The following PRDM10 variants were observed in gnomAD, a reference collection of about 807,000 sequenced individuals.
PRDM10 encodes the protein PR domain zinc finger protein 10.
Under a neutral mutation model 133.1 loss-of-function variants are expected in PRDM10, and 65 were observed. The ratio of observed to expected loss-of-function variants is 0.49; its 90% CI spans 0.40 to 0.60. The LOEUF (loss-of-function observed/expected upper bound fraction) is 0.60. Ranked by LOEUF, PRDM10 falls within the 20% of genes least tolerant of loss-of-function variation. The probability of loss-of-function intolerance (pLI) is 0.00; values close to 1 mark genes in which losing one functional copy is unlikely to be tolerated. For synonymous variants in PRDM10, 582 were observed against 580.4 expected (o/e 1.00, Z -0.04); for missense variants, 1,137 against 1,507.1 (o/e 0.75, Z 4.07).
chr11:129,957,975 C>A, intron 2 of PRDM10, 65 bp from the exon 3 acceptor site: 1 of 1,512,548 alleles, frequency 6.6e-7, no homozygotes, highest in Non-Finnish European at 8.9e-7. Flanking sequence ...ACAAGCACAC[C>A]TGGGTTTCTA....
Position 129,942,635 on chromosome 11 carries a change from CG to C in PRDM10, c.763-7del. ...TCCCCTTTATCAAGAGAAACCTGCA[CG>C]AAAAAAAAGCCACACCAAAAACAAA... On this transcript the variant is annotated splice_polypyrimidine_tract_variant and splice_region_variant and intron_variant, in intron 6 of 20. Transcript: ENST00000360871. The C allele has an allele frequency of 6.3e-7, 1 of 1,595,440 alleles. No homozygotes were observed. The highest frequency in any genetic ancestry group is 8.5e-7 in the Non-Finnish European group (1 of 1,173,322).
chr11:129,998,819 CTTT>C (rs11461594), intron 1 of PRDM10, among the ~76,000 whole-genome samples: 7 of 136,140 alleles, frequency 5.1e-5, no homozygotes, highest in Non-Finnish European at 3.2e-5. Context: ...GGTGTAATAA[CTTT>C]TTTTTTTTTT....
chr11:129,995,887 C>T (rs140284317), intron 1 of PRDM10, among the ~76,000 whole-genome samples: 3,729 of 151,608 alleles, frequency 0.025, 126 homozygotes, highest in African/African-American at 0.073. Flanking sequence ...CGGAGGTTGC[C>T]GTGAGCTGAG....
At chr11:129,986,638 C>T (rs570529463) in intron 1 of PRDM10, among the ~76,000 whole-genome samples, 1 of 152,330 alleles carries the variant, frequency 6.6e-6, no homozygotes, top group Admixed American at 6.5e-5. Flanking sequence ...ATCCACCTGC[C>T]TAGGTCTCCC....
At chr11:129,902,579 G>A (rs1949876106) in intron 20 of PRDM10, 63 bp from the exon 21 acceptor site, 3 of 1,546,652 alleles carry the variant, frequency 1.9e-6, no homozygotes, top group African/African-American at 2.7e-5. Flanking sequence ...GAAGCTACTG[G>A]GGAAGGAGGG....
At position 129,937,653 on chromosome 11, in the gene PRDM10, G is replaced by C. The variant is rs1211280265; in HGVS notation, c.984C>G (p.Ser328=). The change falls in exon 8 of 21, where the codon TCC becomes TCG. Residue 328 remains serine (S), a synonymous_variant. Coordinates refer to ENST00000360871, the MANE Select transcript of PRDM10 (RefSeq NM_199437.2). The part of the protein sequence containing the change: ...KQELKVWYAA[S]YAEFVNQKIH... Reference sequence around the variant, plus strand: ...TTTTCTGGTTCACGAACTCAGCATAGGATGCGGCATACCACACCTGCAAGA... The same window carrying C: ...TTTTCTGGTTCACGAACTCAGCATACGATGCGGCATACCACACCTGCAAGA... 6.2e-7 allele frequency: 1 copy of C among 1,613,470 alleles called. No individual in the cohort carries two copies. Among genetic ancestry groups the C allele is most frequent in the Non-Finnish European group, 8.5e-7 (1 of 1,179,894 alleles).
intron 7 of PRDM10, among the ~76,000 whole-genome samples, chr11:129,940,035 CACA>C (rs1403873802): frequency 6.6e-6 from 1 of 152,144 alleles, no homozygotes; most frequent in Non-Finnish European, 1.5e-5. Context: ...CACAAACATC[CACA>C]ATGAAGTCAA....
chr11:129,942,644 A>AG lies in PRDM10; in HGVS notation c.763-16dup, dbSNP rs1951251129. 6.3e-7 allele frequency: 1 copy of AG among 1,595,716 alleles called. No homozygotes were observed. The highest frequency in any genetic ancestry group is 1.1e-5 in the South Asian group (1 of 88,198). On this transcript the variant is annotated splice_polypyrimidine_tract_variant and intron_variant, in intron 6 of 20. Transcript: ENST00000360871. ...TCAAGAGAAACCTGCACGAAAAAAA[A>AG]GCCACACCAAAAACAAAACAAAACC...
intron 1 of PRDM10, among the ~76,000 whole-genome samples, chr11:129,966,752 T>C (rs1412080814): frequency 3.3e-5 from 5 of 152,082 alleles, no homozygotes; most frequent in Non-Finnish European, 2.9e-5. Context: ...TGAGGTTGAG[T>C]GAGAAAACAG....
intron 7 of PRDM10, among the ~76,000 whole-genome samples, chr11:129,938,062 T>C (rs1188836834): frequency 6.6e-6 from 1 of 152,172 alleles, no homozygotes; most frequent in African/African-American, 2.4e-5. Context: ...AATGACACCT[T>C]CCAAGGCAAC....
intron 1 of PRDM10, among the ~76,000 whole-genome samples, chr11:130,000,501 G>A (rs1939291320): frequency 6.6e-6 from 1 of 152,150 alleles, no homozygotes; most frequent in Non-Finnish European, 1.5e-5. Context: ...AAACCATTCA[G>A]AGCCCTTGAA....
intron 1 of PRDM10, among the ~76,000 whole-genome samples, chr11:129,964,116 T>C (rs1951857201): frequency 2.0e-5 from 3 of 152,176 alleles, no homozygotes; most frequent in Non-Finnish European, 2.9e-5. Context: ...GTCCTTCCGA[T>C]AGAGGAATTT....
intron 1 of PRDM10, among the ~76,000 whole-genome samples, chr11:129,969,385 C>G (rs79609904): frequency 6.6e-6 from 1 of 152,082 alleles, no homozygotes; most frequent in African/African-American, 2.4e-5. Flanking sequence ...TGGAATCAGA[C>G]AGCCTAGCTC....
chr11:129,902,720 GC>G (rs1263169051), intron 20 of PRDM10, among the ~76,000 whole-genome samples: 1 of 152,166 alleles, frequency 6.6e-6, no homozygotes, highest in Non-Finnish European at 1.5e-5. Context: ...GAGCACCTTA[GC>G]AGTTTCACCA....
intron 1 of PRDM10, among the ~76,000 whole-genome samples, chr11:129,978,395 A>G (rs57667138): frequency 0.24 from 36,201 of 152,216 alleles, 7,396 homozygotes; most frequent in East Asian, 0.57. Context: ...CTGATATGAG[A>G]CTGAGCTATG....
chr11:129,926,398 G>A (rs977959585), intron 11 of PRDM10, among the ~76,000 whole-genome samples: 1 of 152,170 alleles, frequency 6.6e-6, no homozygotes, highest in Admixed American at 6.5e-5. Flanking sequence ...TGCTACAAGG[G>A]GGGGAAATCC....
At position 129,935,160 on chromosome 11, in the gene PRDM10, G is replaced by A. The variant is rs752597255; in HGVS notation, c.1098C>T (p.Ser366=). ...PCYECNRRFI[S]SEQLQQHLNS... ...TGAGATGCTGTTGCAACTGCTCCGA[G>A]CTTATAAATCGGCGGTTACATTCAT... The change falls in exon 9 of 21, where the codon AGC becomes AGT. Residue 366 remains serine, a synonymous_variant. Transcript: ENST00000360871. 2 of 1,614,038 alleles carry A rather than the reference G, an allele frequency of 1.2e-6. No homozygotes were observed. Among genetic ancestry groups the A allele is most frequent in the Non-Finnish European group, 1.7e-6 (2 of 1,179,954 alleles).
At chr11:129,998,944 T>C (rs1939203593) in intron 1 of PRDM10, among the ~76,000 whole-genome samples, 1 of 151,362 alleles carries the variant, frequency 6.6e-6, no homozygotes, top group Admixed American at 6.6e-5. Flanking sequence ...CACCTCATCC[T>C]CCTGAGTAGC....
At chr11:129,999,193 T>C (rs1156257170) in intron 1 of PRDM10, among the ~76,000 whole-genome samples, 2 of 152,084 alleles carry the variant, frequency 1.3e-5, no homozygotes, top group Non-Finnish European at 2.9e-5. Flanking sequence ...CTAAACCACG[T>C]GAACAGTTTA....
Sources: gnomAD v4.1 joint callset for allele counts (sites outside exome capture counted in the v4.1 genomes callset) on GRCh38, gnomAD v4.1.1 for gene constraint, MANE v1.5 for transcripts, NCBI Gene and HGNC (gene_info 2026-07-23, HGNC 2026-07-21) for gene names.